MRAP2: variants seen among roughly 807,000 people sequenced by gnomAD.
The protein encoded by MRAP2 is melanocortin 2 receptor accessory protein 2, also known as melanocortin-2 receptor accessory protein 2.
Under a neutral mutation model 17.4 loss-of-function variants are expected in MRAP2, and 20 were observed. That is an observed-to-expected ratio of 1.15 (90% CI 0.81 to 1.67). The LOEUF (loss-of-function observed/expected upper bound fraction) is 1.67. MRAP2 is among the 40% of genes most tolerant of loss of function. The pLI is 0.00. For missense variants in MRAP2, 238 were observed against 240.0 expected, an observed-to-expected ratio of 0.99 and a Z score of 0.05; for synonymous variants, 96 against 88.4, an observed-to-expected ratio of 1.09 and a Z score of -0.48.
chr6:84,081,050 AT>A (rs1192495849), intron 3 of MRAP2, among the ~76,000 whole-genome samples: 1 of 152,236 alleles, frequency 6.6e-6, no homozygotes, highest in African/African-American at 2.4e-5. Context: ...GGTGGGTTGA[AT>A]TAAAGTAGAG....
the MRAP2 span, among the ~76,000 whole-genome samples, chr6:84,111,440 C>G: frequency 0.046 from 7,059 of 152,070 alleles, 556 homozygotes; most frequent in African/African-American, 0.16. Context: ...GCTTGTGATT[C>G]TGCACATTGA....
chr6:84,136,952 A>G, the MRAP2 span, among the ~76,000 whole-genome samples: 1 of 152,222 alleles, frequency 6.6e-6, no homozygotes, highest in East Asian at 1.9e-4. Flanking sequence ...GAAATACTTC[A>G]TAGGAAGACA....
At chr6:84,106,608 A>G in the MRAP2 span, among the ~76,000 whole-genome samples, 1 of 152,076 alleles carries the variant, frequency 6.6e-6, no homozygotes, top group African/African-American at 2.4e-5. Flanking sequence ...TCTGTAAACC[A>G]TGCCTGAGTT....
chr6:84,099,222 G>T, the MRAP2 span, among the ~76,000 whole-genome samples: 1 of 146,028 alleles, frequency 6.8e-6, no homozygotes, highest in Non-Finnish European at 1.5e-5. Flanking sequence ...AATCGTTCCA[G>T]CATGGTTTGG....
chr6:84,138,647 G>T, the MRAP2 span, among the ~76,000 whole-genome samples: 1 of 152,124 alleles, frequency 6.6e-6, no homozygotes, highest in Non-Finnish European at 1.5e-5. Flanking sequence ...CATGTGCTGC[G>T]TCTTCTATTT....
intron 3 of MRAP2, among the ~76,000 whole-genome samples, chr6:84,081,887 A>G (rs888971917): frequency 2.0e-5 from 3 of 152,328 alleles, no homozygotes; most frequent in Non-Finnish European, 1.5e-5. Flanking sequence ...TCTTGCTGCC[A>G]TGTAAGATGT....
the MRAP2 span, among the ~76,000 whole-genome samples, chr6:84,129,680 C>T: frequency 4.6e-5 from 7 of 152,092 alleles, no homozygotes; most frequent in South Asian, 2.1e-4. Context: ...TTAATTAGAT[C>T]CCATTTGTCA....
At chr6:84,061,884 G>A (rs1474364904) in intron 2 of MRAP2, 2 of 985,278 alleles carry the variant, frequency 2.0e-6, no homozygotes, top group Non-Finnish European at 2.4e-6. Flanking sequence ...TGGAAAAGTG[G>A]GTCAGTTCTG....
At chr6:84,142,158 C>A in the MRAP2 span, among the ~76,000 whole-genome samples, 3 of 152,154 alleles carry the variant, frequency 2.0e-5, no homozygotes, top group Non-Finnish European at 4.4e-5. Flanking sequence ...TTCATCCATA[C>A]CCTCCATAAG....
chr6:84,077,526 A>G (rs2099497921), intron 3 of MRAP2, among the ~76,000 whole-genome samples: 2 of 152,186 alleles, frequency 1.3e-5, no homozygotes, highest in Non-Finnish European at 2.9e-5. Flanking sequence ...AAATCTTCCA[A>G]TTCACAAGCA....
chr6:84,129,481 C>T, the MRAP2 span, among the ~76,000 whole-genome samples: 1 of 152,164 alleles, frequency 6.6e-6, no homozygotes, highest in Non-Finnish European at 1.5e-5. Context: ...GCATAAATGT[C>T]TTCTTTTGAA....
intron 1 of MRAP2, among the ~76,000 whole-genome samples, chr6:84,038,646 C>A (rs138484305): frequency 6.6e-6 from 1 of 152,158 alleles, no homozygotes; most frequent in African/African-American, 2.4e-5. Context: ...CACAGAACAC[C>A]ATGCCCAGCT....
chr6:84,113,383 T>C, the MRAP2 span, among the ~76,000 whole-genome samples: 25 of 152,200 alleles, frequency 1.6e-4, no homozygotes, highest in South Asian at 4.1e-4. Flanking sequence ...TTAAAGTCTG[T>C]TTTATCAGAG....
chr6:84,067,470 G>A (rs756698028), intron 3 of MRAP2, among the ~76,000 whole-genome samples: 9 of 152,190 alleles, frequency 5.9e-5, no homozygotes, highest in Non-Finnish European at 7.3e-5. Context: ...GTTTCCCATA[G>A]TGGCTGTACT....
chr6:84,086,460 A>T (rs1051707599), intron 3 of MRAP2, among the ~76,000 whole-genome samples: 1 of 152,164 alleles, frequency 6.6e-6, no homozygotes, highest in African/African-American at 2.4e-5. Context: ...TCATCAGGAT[A>T]TTTTTTAATA....
chr6:84,048,555 C>G (rs1046259464), intron 1 of MRAP2, among the ~76,000 whole-genome samples: 1 of 152,140 alleles, frequency 6.6e-6, no homozygotes, highest in African/African-American at 2.4e-5. Context: ...CTAGAAAAGG[C>G]GAGAGTTAAG....
rs1446558970 is a variant in MRAP2, at chr6:84,070,748, G to A, written c.227+7756G>A. Among the ~76,000 whole-genome samples the A allele has an allele frequency of 1.1e-4, 16 of 152,204 alleles. 1 individual carries two copies. ...TTGTTTTATAAATTTGGGAGCTCCA[G>A]TGTTAGGTGCATATATGTTTAGGAT... On this transcript the variant is annotated intron_variant, in intron 3 of 3. Coordinates refer to ENST00000257776, the MANE Select transcript of MRAP2 (RefSeq NM_138409.4).
At chr6:84,069,566 T>C (rs2099495682) in intron 3 of MRAP2, among the ~76,000 whole-genome samples, 1 of 152,190 alleles carries the variant, frequency 6.6e-6, no homozygotes, top group African/African-American at 2.4e-5. Flanking sequence ...TTTTTGGTTA[T>C]GTCCTTTCCT....
rs764321256 is a variant in MRAP2 at position 84,055,363 on chromosome 6, G to A, written c.45G>A (p.Ser15=). 7 of 1,613,622 alleles carry A rather than the reference G, an allele frequency of 4.3e-6. No homozygotes were observed. In the East Asian group the frequency reaches 1.3e-4, roughly 31 times the overall value. ...RLISNRTSQQ[S]ASNSDYTWEY... Reference sequence around the variant, plus strand: ...TTTCTAACAGAACCTCCCAGCAATCGGCATCTAATTCTGATTACACCTGGG... The same window carrying A: ...TTTCTAACAGAACCTCCCAGCAATCAGCATCTAATTCTGATTACACCTGGG... Residue 15 remains serine, a synonymous_variant, in exon 2 of 4, where the codon TCG becomes TCA. Coordinates refer to ENST00000257776, the MANE Select transcript of MRAP2 (RefSeq NM_138409.4).
Sources: allele counts gnomAD v4.1 joint callset (sites outside exome capture counted in the v4.1 genomes callset), GRCh38; gene constraint gnomAD v4.1.1; transcripts MANE v1.5; gene names NCBI Gene and HGNC (gene_info 2026-07-23, HGNC 2026-07-21).